The following SLC5A4 variants were observed in gnomAD, a reference collection of about 807,000 sequenced individuals.
SLC5A4 encodes solute carrier family 5 member 4.
A neutral mutation model predicts 70.3 loss-of-function variants in SLC5A4; 55 were observed. The observed-to-expected ratio is 0.78, with a 90% CI of 0.63 to 0.98. SLC5A4 has a LOEUF of 0.98. Among genes scored for constraint, SLC5A4 ranks in the 50% least tolerant of loss-of-function variants. SLC5A4 has a pLI of 0.00. For synonymous variants in SLC5A4, 268 were observed against 305.7 expected, an observed-to-expected ratio of 0.88 and a Z score of 1.29; for missense variants, 735 against 839.2, an observed-to-expected ratio of 0.88 and a Z score of 1.53.
the SLC5A4 span, among the ~76,000 whole-genome samples, chr22:32,348,218 G>GAC: frequency 1.3e-5 from 2 of 152,240 alleles, no homozygotes; most frequent in African/African-American, 4.8e-5. Context: ...CTCTGTGCCA[G>GAC]ACACGCAGTA....
rs1491569019 is a variant in SLC5A4 at position 32,240,022 on chromosome 22, C to CAATAA, written c.478-933_478-932insTTATT. On this transcript the variant is annotated intron_variant, in intron 5 of 14. Transcript: ENST00000266086. ...TGGGTGACAGAGCGAGACTCCATCTCAAAAAAAAAAAAAAAAAAAAAGAAA... is the reference window on the plus strand; with the variant it reads ...TGGGTGACAGAGCGAGACTCCATCTCAATAAAAAAAAAAAAAAAAAAAAAAAGAAA... Among the ~76,000 whole-genome samples the CAATAA allele has an allele frequency of 4.9e-3, 364 of 74,080 alleles. 2 individuals are homozygous for CAATAA. Among genetic ancestry groups the CAATAA allele is most frequent in the Non-Finnish European group, 7.6e-3 (303 of 39,844 alleles). 48.6% of individuals were successfully genotyped at this position (74,080 alleles called of 152,430 possible).
chr22:32,257,151 C>T (rs766173016), upstream of SLC5A4, among the ~76,000 whole-genome samples: 3 of 152,226 alleles, frequency 2.0e-5, no homozygotes, highest in African/African-American at 2.4e-5. Context: ...ACACTTCTAA[C>T]ACAATCACTA....
At chr22:32,269,855 C>T in the SLC5A4 span, 1 of 620,340 alleles carries the variant, frequency 1.6e-6, no homozygotes, top group African/African-American at 1.8e-5. The surrounding 1 kb of genome is among the most constrained non-coding windows in gnomAD (Gnocchi z 4.1). Flanking sequence ...TGCTGACCCT[C>T]ATCACCGATG....
chr22:32,320,776 A>G, the SLC5A4 span, among the ~76,000 whole-genome samples: 6 of 152,264 alleles, frequency 3.9e-5, no homozygotes. Flanking sequence ...TTCGTAAGAC[A>G]GTGAGATGTC....
At chr22:32,258,990 A>G (rs763583713), upstream of SLC5A4, among the ~76,000 whole-genome samples, 50 of 152,354 alleles carry the variant, frequency 3.3e-4, no homozygotes, top group Middle Eastern at 0.014. Context: ...AATATTGCGT[A>G]ATTCCACTTA....
chr22:32,331,834 G>A, the SLC5A4 span, among the ~76,000 whole-genome samples: 1 of 152,048 alleles, frequency 6.6e-6, no homozygotes, highest in Non-Finnish European at 1.5e-5. Flanking sequence ...ATTCGCCCTG[G>A]GGTTCCTCCT....
chr22:32,240,970 T>C (rs1926475946), intron 5 of SLC5A4, among the ~76,000 whole-genome samples: 1 of 152,232 alleles, frequency 6.6e-6, no homozygotes, highest in African/African-American at 2.4e-5. Flanking sequence ...GTTTGTGAAC[T>C]TCCATGAATC....
At chr22:32,233,096 C>A in intron 8 of SLC5A4, 62 bp from the exon 9 acceptor site, 2 of 1,556,148 alleles carry the variant, frequency 1.3e-6, no homozygotes, top group South Asian at 1.2e-5. Flanking sequence ...AGGCAGTCAG[C>A]GTCCCTTTCC....
At chr22:32,273,896 T>TTGTGTATG in the SLC5A4 span, among the ~76,000 whole-genome samples, 368 of 152,298 alleles carry the variant, frequency 2.4e-3, no homozygotes, top group Non-Finnish European at 4.4e-3. Flanking sequence ...AAGATTTAGA[T>TTGTGTATG]TTCAGAAAAC....
At chr22:32,272,081 G>A in the SLC5A4 span, 1 of 650,942 alleles carries the variant, frequency 1.5e-6, no homozygotes, top group Non-Finnish European at 2.8e-6. Flanking sequence ...TTGAGCTGCA[G>A]AAGTGGGAGC....
the SLC5A4 span, among the ~76,000 whole-genome samples, chr22:32,315,667 C>A: frequency 3.3e-5 from 5 of 151,592 alleles, no homozygotes; most frequent in Non-Finnish European, 5.9e-5. Context: ...CAACAGAGAC[C>A]GTATGGTGAA....
At chr22:32,325,558 G>A in the SLC5A4 span, among the ~76,000 whole-genome samples, 1 of 152,242 alleles carries the variant, frequency 6.6e-6, no homozygotes, top group Admixed American at 6.5e-5. Context: ...CAGCCACAAG[G>A]CCTTCATCTG....
At chr22:32,292,022 A>C in the SLC5A4 span, among the ~76,000 whole-genome samples, 9 of 143,940 alleles carry the variant, frequency 6.3e-5, no homozygotes, top group African/African-American at 2.3e-4. Flanking sequence ...ACAGGTGTGC[A>C]CCACTACGCC....
At chr22:32,268,105 A>G in the SLC5A4 span, among the ~76,000 whole-genome samples, 3 of 152,170 alleles carry the variant, frequency 2.0e-5, no homozygotes, top group Non-Finnish European at 4.4e-5. Context: ...GCTAGCATTT[A>G]AAATATCAGA....
chr22:32,324,267 G>GTATA, the SLC5A4 span, among the ~76,000 whole-genome samples: 16,137 of 121,362 alleles, frequency 0.13, 1,094 homozygotes, highest in African/African-American at 0.22. Context: ...ACACATATAT[G>GTATA]TATATATATA....
the SLC5A4 span, among the ~76,000 whole-genome samples, chr22:32,318,867 G>A: frequency 8.5e-5 from 13 of 152,112 alleles, no homozygotes; most frequent in South Asian, 2.1e-4. Flanking sequence ...CCACTCCAAC[G>A]GTAATGGTTT....
the SLC5A4 span, among the ~76,000 whole-genome samples, chr22:32,307,148 C>G: frequency 1.8e-5 from 2 of 114,116 alleles, no homozygotes; most frequent in Non-Finnish European, 3.7e-5. Context: ...GGTACAGTGT[C>G]GTGAATGGTG....
At chr22:32,246,382 T>G (rs1416787605) in intron 5 of SLC5A4, among the ~76,000 whole-genome samples, 1 of 152,202 alleles carries the variant, frequency 6.6e-6, no homozygotes, top group Admixed American at 6.5e-5. Flanking sequence ...GACACCTGCC[T>G]AGACTGTAAA....
chr22:32,306,123 A>C, the SLC5A4 span, among the ~76,000 whole-genome samples: 1 of 152,204 alleles, frequency 6.6e-6, no homozygotes. Flanking sequence ...TCTAGGGAAC[A>C]GTTGACATGA....
Sources: allele counts gnomAD v4.1 joint callset (sites outside exome capture counted in the v4.1 genomes callset), GRCh38; gene constraint gnomAD v4.1.1; non-coding constraint Gnocchi (gnomAD v3.1); transcripts MANE v1.5; gene names NCBI Gene and HGNC (gene_info 2026-07-23, HGNC 2026-07-21).